SHQ1: variants seen among roughly 807,000 people sequenced by gnomAD.
SHQ1 encodes SHQ1, H/ACA ribonucleoprotein assembly factor.
SHQ1 carries 49 observed loss-of-function variants against 53.8 expected under a neutral mutation model. The ratio of observed to expected loss-of-function variants is 0.91; its 90% CI spans 0.72 to 1.16. The LOEUF (loss-of-function observed/expected upper bound fraction) is 1.16, where lower values mean the gene tolerates loss of function less well. Ranked by LOEUF, SHQ1 falls within the 50% of genes most tolerant of loss-of-function variation. The pLI, the probability that SHQ1 is intolerant of heterozygous loss-of-function variation, is 0.00. For missense variants in SHQ1, 738 were observed against 683.1 expected (o/e 1.08, Z -0.90); for synonymous variants, 243 against 251.0 (o/e 0.97, Z 0.30).
chr3:72,756,853 G>A (rs1705506203), intron 10 of SHQ1, among the ~76,000 whole-genome samples: 1 of 152,200 alleles, frequency 6.6e-6, no homozygotes. Flanking sequence ...TATGCTACAT[G>A]TAACTACCAC....
chr3:72,748,959 A>ACG (rs1342499148), downstream of SHQ1, among the ~76,000 whole-genome samples: 16 of 134,308 alleles, frequency 1.2e-4, no homozygotes, highest in African/African-American at 5.0e-4. Context: ...TGTCTCAAAC[A>ACG]CACACGCACA....
intron 10 of SHQ1, among the ~76,000 whole-genome samples, chr3:72,761,880 TTA>T (rs1160445298): frequency 6.6e-6 from 1 of 152,170 alleles, no homozygotes; most frequent in Non-Finnish European, 1.5e-5. Flanking sequence ...TGGTTCACAA[TTA>T]TATAGAGAGT....
At chr3:72,780,385 A>G (rs1706047021) in intron 10 of SHQ1, among the ~76,000 whole-genome samples, 1 of 152,230 alleles carries the variant, frequency 6.6e-6, no homozygotes, top group African/African-American at 2.4e-5. Flanking sequence ...CAGACAGGAC[A>G]AATGCTGACA....
At position 72,825,611 on chromosome 3, in the gene SHQ1, C is replaced by T. The variant is rs115322115; in HGVS notation, c.600-1060G>A. Among the ~76,000 whole-genome samples the T allele has an allele frequency of 3.0e-3, 456 of 152,242 alleles. 1 individual carries two copies. Among genetic ancestry groups the T allele is most frequent in the African/African-American group, 0.011 (438 of 41,546 alleles). On this transcript the variant is annotated intron_variant, in intron 5 of 10. Coordinates refer to ENST00000325599, the MANE Select transcript of SHQ1 (RefSeq NM_018130.3). ...CTCTCACTCTTGGAGGACACTTATTCAGAAATGATTCTATCTTGCATTCAA... is the reference window on the plus strand; with the variant it reads ...CTCTCACTCTTGGAGGACACTTATTTAGAAATGATTCTATCTTGCATTCAA...
chr3:72,842,991 C>T (rs146786931), intron 2 of SHQ1, among the ~76,000 whole-genome samples: 1 of 151,772 alleles, frequency 6.6e-6, no homozygotes, highest in African/African-American at 2.4e-5. Flanking sequence ...GCAGGATAAT[C>T]GCTTGAACCC....
At chr3:72,779,089 C>T (rs1391814357) in intron 10 of SHQ1, among the ~76,000 whole-genome samples, 13 of 152,310 alleles carry the variant, frequency 8.5e-5, no homozygotes. Flanking sequence ...GCTGGCTTCT[C>T]GCTACTCTTA....
intron 4 of SHQ1, among the ~76,000 whole-genome samples, chr3:72,837,488 T>C (rs1708036437): frequency 6.6e-6 from 1 of 152,188 alleles, no homozygotes; most frequent in South Asian, 2.1e-4. Flanking sequence ...TAAATCTGTA[T>C]TGCTTTTATT....
chr3:72,727,996 C>T, the SHQ1 span, among the ~76,000 whole-genome samples: 1 of 152,138 alleles, frequency 6.6e-6, no homozygotes, highest in African/African-American at 2.4e-5. Context: ...CAGCCATCAC[C>T]AAAGATGGGG....
chr3:72,800,410 C>T (rs567863945), intron 9 of SHQ1, among the ~76,000 whole-genome samples: 3 of 152,176 alleles, frequency 2.0e-5, no homozygotes. Context: ...TACTTTCTTC[C>T]TTGTTTCATA....
intron 10 of SHQ1, among the ~76,000 whole-genome samples, chr3:72,767,027 G>A (rs1201826475): frequency 6.6e-6 from 1 of 152,138 alleles, no homozygotes; most frequent in Admixed American, 6.5e-5. Context: ...AGACCACACA[G>A]ATCTAATCTA....
At chr3:72,767,515 G>A (rs757887845) in intron 10 of SHQ1, among the ~76,000 whole-genome samples, 7 of 152,194 alleles carry the variant, frequency 4.6e-5, no homozygotes, top group African/African-American at 7.2e-5. Context: ...ATAGTTTTAC[G>A]AGGTAGGGAG....
chr3:72,752,762 C>T (rs549081188), intron 10 of SHQ1, among the ~76,000 whole-genome samples: 2 of 152,130 alleles, frequency 1.3e-5, no homozygotes, highest in African/African-American at 4.8e-5. Flanking sequence ...CTCCTGACCT[C>T]GTGATCTGCC....
chr3:72,831,294 T>C lies in SHQ1; in HGVS notation c.599+1075A>G, dbSNP rs1008043960. On this transcript the variant is annotated intron_variant, in intron 5 of 10. Transcript: ENST00000325599. ...CAAGATATATCCCTGCCATTCCAATTAGTATCCTACTGTGTCACAGGAGAT... is the reference window on the plus strand; with the variant it reads ...CAAGATATATCCCTGCCATTCCAATCAGTATCCTACTGTGTCACAGGAGAT... Among the ~76,000 whole-genome samples, 5 of 152,304 alleles carry C rather than the reference T, an allele frequency of 3.3e-5. No individual in the cohort carries two copies. In the East Asian group the frequency reaches 9.7e-4, roughly 29 times the overall value.
chr3:72,813,297 T>C lies in SHQ1; in HGVS notation c.937-503A>G, dbSNP rs536036127. 3.3e-5 allele frequency among the ~76,000 whole-genome samples: 5 copies of C among 151,608 alleles called. No homozygotes were observed. In the East Asian group the frequency reaches 9.7e-4, roughly 29 times the overall value. On this transcript the variant is annotated intron_variant, in intron 8 of 10. Coordinates refer to ENST00000325599, the MANE Select transcript of SHQ1 (RefSeq NM_018130.3). ...CCCTGGCCAACATGGCAAAACCCCG[T>C]CTCTACTAAAAATACAAAAATTAGC...
chr3:72,840,689 G>A (rs928342408), intron 4 of SHQ1, among the ~76,000 whole-genome samples: 1 of 151,934 alleles, frequency 6.6e-6, no homozygotes, highest in Non-Finnish European at 1.5e-5. Flanking sequence ...GAAAAGAAGA[G>A]ACATCATGCC....
intron 10 of SHQ1, among the ~76,000 whole-genome samples, chr3:72,765,545 ATATATATATATATTTT>A (rs1214571075): frequency 9.6e-5 from 9 of 94,130 alleles, no homozygotes; most frequent in African/African-American, 6.4e-4. Context: ...ATATATATAT[ATATATATATATATTTT>A]TTTTTTTTTT....
chr3:72,817,040 A>T (rs886555070), intron 7 of SHQ1, among the ~76,000 whole-genome samples, 190 bp downstream of exon 7: 3 of 152,206 alleles, frequency 2.0e-5, no homozygotes, highest in Non-Finnish European at 4.4e-5. Context: ...AAAGTGAAAA[A>T]GACCAACTAA....
intron 10 of SHQ1, among the ~76,000 whole-genome samples, chr3:72,773,956 T>G (rs1466602124): frequency 1.3e-5 from 2 of 152,234 alleles, no homozygotes; most frequent in East Asian, 1.9e-4. Context: ...TTGAATTTAC[T>G]GGAAGCCAGT....
chr3:72,775,008 G>A (rs964880616), intron 10 of SHQ1, among the ~76,000 whole-genome samples: 10 of 152,052 alleles, frequency 6.6e-5, no homozygotes, highest in African/African-American at 1.2e-4. Context: ...CCAGCTACTC[G>A]GGAAGCTGAG....
Sources: gnomAD v4.1 joint callset for allele counts (sites outside exome capture counted in the v4.1 genomes callset) on GRCh38, gnomAD v4.1.1 for gene constraint, MANE v1.5 for transcripts, NCBI Gene and HGNC (gene_info 2026-07-23, HGNC 2026-07-21) for gene names.